Variants in L3MBTL4 observed in about 807,000 individuals in gnomAD.
The protein encoded by L3MBTL4 is lethal(3)malignant brain tumor-like protein 4.
Under a neutral mutation model 84.5 loss-of-function variants are expected in L3MBTL4, and 70 were observed. That is an observed-to-expected ratio of 0.83 (90% CI 0.68 to 1.01). L3MBTL4 has a LOEUF of 1.01. L3MBTL4 is among the 50% of genes least tolerant of loss of function. The probability of loss-of-function intolerance (pLI) is 0.00; values close to 1 mark genes in which losing one functional copy is unlikely to be tolerated. For missense variants in L3MBTL4, 715 were observed against 754.8 expected (o/e 0.95, Z 0.62); for synonymous variants, 274 against 259.8 (o/e 1.05, Z -0.52).
chr18:6,402,653 G>C (rs561742883), intron 1 of L3MBTL4, among the ~76,000 whole-genome samples: 4 of 152,068 alleles, frequency 2.6e-5, no homozygotes, highest in African/African-American at 9.7e-5. Flanking sequence ...AATCACTAGT[G>C]ATTAAATTGA....
chr18:5,998,038 C>G (rs1417227337), intron 16 of L3MBTL4, among the ~76,000 whole-genome samples: 1 of 152,176 alleles, frequency 6.6e-6, no homozygotes, highest in Non-Finnish European at 1.5e-5. Context: ...CTACCTACAA[C>G]AAACCAAACT....
chr18:5,971,914 G>T (rs184000977), intron 16 of L3MBTL4, among the ~76,000 whole-genome samples: 1 of 152,296 alleles, frequency 6.6e-6, no homozygotes, highest in East Asian at 1.9e-4. Context: ...TTTATGCTGT[G>T]CATTTGAACT....
At chr18:5,995,696 G>T (rs61633925) in intron 16 of L3MBTL4, among the ~76,000 whole-genome samples, 1 of 152,186 alleles carries the variant, frequency 6.6e-6, no homozygotes, top group Non-Finnish European at 1.5e-5. Flanking sequence ...GGAGTTCTAA[G>T]AACTCGTGCA....
intron 16 of L3MBTL4, among the ~76,000 whole-genome samples, chr18:6,067,818 T>C (rs904377445): frequency 6.6e-6 from 1 of 152,182 alleles, no homozygotes; most frequent in African/African-American, 2.4e-5. Flanking sequence ...TTTGGATCCA[T>C]TGCTGAAAGC....
intron 16 of L3MBTL4, among the ~76,000 whole-genome samples, chr18:6,073,203 G>T (rs529191398): frequency 6.7e-6 from 1 of 150,342 alleles, no homozygotes; most frequent in African/African-American, 2.4e-5. Flanking sequence ...GAGAGAAAAC[G>T]CACAAGCACA....
At chr18:6,237,199 G>A (rs1266111758) in intron 10 of L3MBTL4, among the ~76,000 whole-genome samples, 4 of 152,014 alleles carry the variant, frequency 2.6e-5, no homozygotes, top group African/African-American at 7.2e-5. Flanking sequence ...TTTGGTTTGG[G>A]GAAGGAAGTC....
At position 6,133,195 on chromosome 18, in the gene L3MBTL4, C is replaced by T. The variant is rs148980275; in HGVS notation, c.1199+4999G>A. ...GACAGAACTCTCAGGGATGATGGAA[C>T]CGTTCCATATCTTTGCTGTCCAATA... On this transcript the variant is annotated intron_variant, in intron 14 of 18. Coordinates refer to ENST00000317931, the MANE Select transcript of L3MBTL4 (RefSeq NM_001330559.2). 1.6e-3 allele frequency among the ~76,000 whole-genome samples: 239 copies of T among 152,270 alleles called. 3 individuals carry two copies. Among genetic ancestry groups the T allele is most frequent in the East Asian group, 9.7e-3 (50 of 5,174 alleles).
intron 17 of L3MBTL4, among the ~76,000 whole-genome samples, chr18:5,964,098 C>T (rs2052208206): frequency 6.6e-6 from 1 of 152,224 alleles, no homozygotes; most frequent in South Asian, 2.1e-4. Context: ...GGGAGGTGTC[C>T]CCCACAGTGC....
chr18:6,145,562 G>C (rs1458133361), intron 13 of L3MBTL4, among the ~76,000 whole-genome samples: 1 of 149,646 alleles, frequency 6.7e-6, no homozygotes, highest in South Asian at 2.1e-4. Context: ...AACAGTACTC[G>C]ATTCAACCTG....
At chr18:6,315,620 A>G (rs975982464) in intron 1 of L3MBTL4, among the ~76,000 whole-genome samples, 1 of 152,232 alleles carries the variant, frequency 6.6e-6, no homozygotes, top group African/African-American at 2.4e-5. Flanking sequence ...CCCTCTTTGA[A>G]CACCATACTA....
intron 16 of L3MBTL4, among the ~76,000 whole-genome samples, chr18:6,076,524 T>A (rs1023153184): frequency 2.0e-5 from 3 of 152,144 alleles, no homozygotes; most frequent in African/African-American, 4.8e-5. Context: ...ATGGGTATGA[T>A]CTCTGTGCAC....
chr18:6,407,002 G>A (rs147141970), intron 1 of L3MBTL4, among the ~76,000 whole-genome samples: 12 of 152,294 alleles, frequency 7.9e-5, no homozygotes, highest in African/African-American at 2.6e-4. Context: ...TGCGCATCAC[G>A]GTGATTAATG....
chr18:6,024,603 C>A (rs1012117014), intron 16 of L3MBTL4, among the ~76,000 whole-genome samples: 17 of 152,178 alleles, frequency 1.1e-4, no homozygotes, highest in Non-Finnish European at 2.5e-4. Context: ...GAAACCATTA[C>A]ATAAATAGTG....
chr18:6,320,513 G>A (rs758630007), intron 1 of L3MBTL4, among the ~76,000 whole-genome samples: 15 of 151,528 alleles, frequency 9.9e-5, no homozygotes, highest in Non-Finnish European at 1.3e-4. Flanking sequence ...GAACCCAAAC[G>A]CCTTTATAAT....
intron 1 of L3MBTL4, among the ~76,000 whole-genome samples, chr18:6,348,630 C>G (rs965558555): frequency 6.6e-6 from 1 of 152,114 alleles, no homozygotes; most frequent in Non-Finnish European, 1.5e-5. Context: ...TGGCAAATAT[C>G]TTCATGGCCT....
intron 14 of L3MBTL4, among the ~76,000 whole-genome samples, chr18:6,116,959 C>G (rs2059378284): frequency 6.6e-6 from 1 of 152,166 alleles, no homozygotes; most frequent in South Asian, 2.1e-4. Flanking sequence ...TGCAACACTG[C>G]TTAGTTTTGT....
At chr18:5,984,561 T>G (rs2053384377) in intron 16 of L3MBTL4, among the ~76,000 whole-genome samples, 1 of 152,250 alleles carries the variant, frequency 6.6e-6, no homozygotes, top group Non-Finnish European at 1.5e-5. Flanking sequence ...TTCAGATAAC[T>G]GAATATTTTT....
rs375536129 is a variant in L3MBTL4 at position 5,968,808 on chromosome 18, G to A, written c.1614+585C>T. On this transcript the variant is annotated intron_variant, in intron 17 of 18. Coordinates refer to ENST00000317931, the MANE Select transcript of L3MBTL4 (RefSeq NM_001330559.2). ...AAATCTGATCCAACTTGCCCCCTCTGTGCAGCTTCTCATACAATGTTGTGA... is the reference window on the plus strand; with the variant it reads ...AAATCTGATCCAACTTGCCCCCTCTATGCAGCTTCTCATACAATGTTGTGA... 9.3e-4 allele frequency among the ~76,000 whole-genome samples: 141 copies of A among 152,300 alleles called. 1 individual carries two copies. In the South Asian group the frequency reaches 0.028, roughly 30 times the overall value.
intron 7 of L3MBTL4, among the ~76,000 whole-genome samples, chr18:6,242,453 C>A (rs1204838752): frequency 6.6e-6 from 1 of 152,216 alleles, no homozygotes; most frequent in Admixed American, 6.5e-5. Context: ...TTACTTGCTA[C>A]TGGCCCTCAG....
Sources: allele counts gnomAD v4.1 joint callset (sites outside exome capture counted in the v4.1 genomes callset), GRCh38; gene constraint gnomAD v4.1.1; transcripts MANE v1.5; gene names NCBI Gene and HGNC (gene_info 2026-07-23, HGNC 2026-07-21).